Variants in MUSK observed in about 807,000 individuals in gnomAD.
MUSK encodes muscle, skeletal receptor tyrosine-protein kinase.
In MUSK, 55 loss-of-function variants were observed where a neutral mutation model predicts 88.7. That is an observed-to-expected ratio of 0.62 (90% CI 0.50 to 0.78). The LOEUF (loss-of-function observed/expected upper bound fraction) is 0.78, where lower values mean the gene tolerates loss of function less well. MUSK is among the 30% of genes least tolerant of loss of function. The pLI, the probability that MUSK is intolerant of heterozygous loss-of-function variation, is 0.00. For synonymous variants in MUSK, 387 were observed against 391.9 expected (o/e 0.99, Z 0.15); for missense variants, 1,015 against 1,074.3 (o/e 0.94, Z 0.77).
chr9:110,756,540 T>TA (rs145365346), intron 7 of MUSK, among the ~76,000 whole-genome samples: 5,823 of 143,838 alleles, frequency 0.04, 137 homozygotes, highest in African/African-American at 0.063. Context: ...GTAATATTAT[T>TA]AAAAAAAAAA....
At chr9:110,787,251 ACTCAGGAGG>A (rs201660862) in intron 13 of MUSK, among the ~76,000 whole-genome samples, 1,863 of 151,044 alleles carry the variant, frequency 0.012, 19 homozygotes, top group South Asian at 0.036. Context: ...AGACCCAGCT[ACTCAGGAGG>A]CTGAGGCAGG....
In MUSK at chr9:110,753,446, G is replaced by GA. The variant is rs112218169; in HGVS notation, c.913+5660dup. ...TAGAGTGAGACTTCATCTCAAAAAG[G>GA]AAAAAAAAAAAAAAGAGAGAGAGAG... On this transcript the variant is annotated intron_variant, in intron 7 of 14. Coordinates refer to ENST00000374448, the MANE Select transcript of MUSK (RefSeq NM_005592.4). Among the ~76,000 whole-genome samples the GA allele has an allele frequency of 1.0e-3, 129 of 124,738 alleles. 1 individual carries two copies. Among genetic ancestry groups the GA allele is most frequent in the Admixed American group, 4.7e-3 (58 of 12,248 alleles). The allele number at this position is 124,738 out of a possible 152,430, so 81.8% of individuals were successfully genotyped here.
At chr9:110,752,686 C>G (rs12000065) in intron 7 of MUSK, among the ~76,000 whole-genome samples, 4,014 of 152,242 alleles carry the variant, frequency 0.026, 172 homozygotes, top group African/African-American at 0.09. Context: ...AGCAGGAAAA[C>G]TGGAAATGGA....
intron 1 of MUSK, among the ~76,000 whole-genome samples, chr9:110,674,614 T>G (rs1331048935): frequency 6.6e-6 from 1 of 151,962 alleles, no homozygotes; most frequent in African/African-American, 2.4e-5. Flanking sequence ...ATGATGATAT[T>G]ATTATTATTT....
At chr9:110,760,942 T>A (rs896886432) in intron 7 of MUSK, among the ~76,000 whole-genome samples, 3 of 152,114 alleles carry the variant, frequency 2.0e-5, no homozygotes, top group African/African-American at 7.2e-5. Context: ...AACACCCAAA[T>A]GGATCTAAAA....
chr9:110,756,454 A>G (rs988055091), intron 7 of MUSK, among the ~76,000 whole-genome samples: 2 of 151,622 alleles, frequency 1.3e-5, no homozygotes, highest in Non-Finnish European at 2.9e-5. Context: ...CCATGTCCCT[A>G]CCATCCCAAT....
At chr9:110,777,983 C>CT (rs969630599) in intron 11 of MUSK, among the ~76,000 whole-genome samples, 4 of 152,046 alleles carry the variant, frequency 2.6e-5, no homozygotes, top group African/African-American at 9.7e-5. Context: ...AAAGAGTTGG[C>CT]TTTAGCAGGT....
At chr9:110,713,276 T>G (rs1406370907) in intron 5 of MUSK, among the ~76,000 whole-genome samples, 1 of 151,258 alleles carries the variant, frequency 6.6e-6, no homozygotes, top group Non-Finnish European at 1.5e-5. Context: ...TTTTTTTTTT[T>G]TGAGACAGAG....
In MUSK at chr9:110,803,591, T is replaced by C. The variant is rs1241249966; in HGVS notation, c.*2603T>C. Among the ~76,000 whole-genome samples the C allele has an allele frequency of 6.6e-6, 1 of 151,002 alleles. No homozygotes were observed. The highest frequency in any genetic ancestry group is 1.5e-5 in the Non-Finnish European group (1 of 68,042). ...CATGTCGTTTCAAGCACACTCTATA[T>C]CTATATTTTATTCTATTAACTTCCT... On this transcript the variant is annotated 3_prime_UTR_variant, in exon 15 of 15. Coordinates refer to ENST00000374448, the MANE Select transcript of MUSK (RefSeq NM_005592.4).
chr9:110,669,785 T>C (rs1440091234), intron 1 of MUSK, among the ~76,000 whole-genome samples: 1 of 152,192 alleles, frequency 6.6e-6, no homozygotes, highest in African/African-American at 2.4e-5. Context: ...ACTAAGGGTA[T>C]CACTGAAATC....
rs1011691754 is a variant in MUSK, at chr9:110,753,153, G to A, written c.913+5353G>A. On this transcript the variant is annotated intron_variant, in intron 7 of 14. Transcript: ENST00000374448. Reference sequence around the variant, plus strand: ...GATTCAGAAGAGAAAAATACAGGCCGGGTGTGGTGACTCACACCTGTAACC... The same window carrying A: ...GATTCAGAAGAGAAAAATACAGGCCAGGTGTGGTGACTCACACCTGTAACC... Among the ~76,000 whole-genome samples the A allele has an allele frequency of 6.6e-5, 10 of 152,256 alleles. No homozygotes were observed. In the South Asian group the frequency reaches 1.0e-3, roughly 16 times the overall value.
chr9:110,803,853 C>T lies in MUSK; in HGVS notation c.*2865C>T, dbSNP rs887767859. ...ATAAGATTTTTTTTCATGGTAGAAT[C>T]ATCATATACATTCAAAAAGGTAGAC... is the stretch of plus-strand genomic sequence containing the variant. On this transcript the variant is annotated 3_prime_UTR_variant, in exon 15 of 15. Transcript: ENST00000374448. Among the ~76,000 whole-genome samples the T allele has an allele frequency of 1.3e-5, 2 of 152,032 alleles. No homozygotes were observed. The highest frequency in any genetic ancestry group is 1.3e-4 in the Admixed American group (2 of 15,266).
chr9:110,701,911 T>G (rs1388666472), intron 5 of MUSK, among the ~76,000 whole-genome samples: 1 of 132,576 alleles, frequency 7.5e-6, no homozygotes, highest in Non-Finnish European at 1.6e-5. Flanking sequence ...TTTATTTTAT[T>G]TTATTTTATT....
At chr9:110,781,496 T>C (rs539176819) in intron 11 of MUSK, among the ~76,000 whole-genome samples, 1 of 152,310 alleles carries the variant, frequency 6.6e-6, no homozygotes, top group Admixed American at 6.5e-5. Context: ...CAGGATGGTC[T>C]CGATCTCCTG....
At position 110,681,080 on chromosome 9, in the gene MUSK, T is replaced by TTA. The variant is rs1564209762; in HGVS notation, c.80-1589_80-1588dup. On this transcript the variant is annotated intron_variant, in intron 1 of 14. Coordinates refer to ENST00000374448, the MANE Select transcript of MUSK (RefSeq NM_005592.4). ...TATTATATATATAATATTATATATATTATATAATATATATTATATAATATA... is the reference window on the plus strand; with the variant it reads ...TATTATATATATAATATTATATATATTATATATAATATATATTATATAATATA... Among the ~76,000 whole-genome samples the TTA allele has an allele frequency of 3.1e-4, 8 of 25,988 alleles. No homozygotes were observed. In the East Asian group the frequency reaches 5.3e-3, roughly 17 times the overall value. 17.0% of individuals were successfully genotyped at this position (25,988 alleles called of 152,430 possible).
chr9:110,683,754 T>C (rs1164845037), intron 2 of MUSK, among the ~76,000 whole-genome samples: 1 of 152,194 alleles, frequency 6.6e-6, no homozygotes, highest in Non-Finnish European at 1.5e-5. Flanking sequence ...CACTTTTTCA[T>C]ATGCCTGTTT....
intron 5 of MUSK, among the ~76,000 whole-genome samples, chr9:110,708,111 T>C (rs1369991315): frequency 2.0e-5 from 3 of 152,058 alleles, no homozygotes; most frequent in Admixed American, 2.0e-4. Context: ...TATCTATCTA[T>C]CTATCTATCT....
At chr9:110,745,493 TAA>T (rs2077164146) in intron 6 of MUSK, among the ~76,000 whole-genome samples, 2 of 152,204 alleles carry the variant, frequency 1.3e-5, no homozygotes, top group South Asian at 4.1e-4. Flanking sequence ...CAAAATAACA[TAA>T]AGTCTGTTGA....
rs1166157858 is a variant in MUSK at position 110,801,689 on chromosome 9, C to G, written c.*701C>G. On this transcript the variant is annotated 3_prime_UTR_variant, in exon 15 of 15. Transcript: ENST00000374448. ...TCTGTGCATTTGTCATGAATTAAGT[C>G]TGCTTATTTTATTCCTCCAGTTTTC... 6.6e-6 allele frequency: 1 copy of G among 152,066 alleles called. No homozygotes were observed. The highest frequency in any genetic ancestry group is 1.5e-5 in the Non-Finnish European group (1 of 68,004). The allele number at this position is 152,066 out of a possible 1,614,324, so 9.4% of individuals were successfully genotyped here.
Sources: gnomAD v4.1 joint callset for allele counts (sites outside exome capture counted in the v4.1 genomes callset) on GRCh38, gnomAD v4.1.1 for gene constraint, MANE v1.5 for transcripts, NCBI Gene and HGNC (gene_info 2026-07-23, HGNC 2026-07-21) for gene names.